The following RBFOX1 variants were observed in gnomAD, a reference collection of about 807,000 sequenced individuals.
RBFOX1 encodes RNA binding protein fox-1 homolog 1.
RBFOX1 carries 8 observed loss-of-function variants against 57.7 expected under a neutral mutation model. The ratio of observed to expected loss-of-function variants is 0.14; its 90% confidence interval spans 0.08 to 0.25. RBFOX1 has a LOEUF of 0.25. Ranked by LOEUF, RBFOX1 falls within the 10% of genes least tolerant of loss-of-function variation. The pLI, the probability that RBFOX1 is intolerant of heterozygous loss-of-function variation, is 1.00. For missense variants in RBFOX1, 611 were observed against 548.5 expected (o/e 1.11, Z -1.14); for synonymous variants, 326 against 222.4 (o/e 1.47, Z -4.15).
At chr16:5,777,386 C>G (rs1325007613) in intron 3 of RBFOX1, among the ~76,000 whole-genome samples, 2 of 152,202 alleles carry the variant, frequency 1.3e-5, no homozygotes, top group East Asian at 3.9e-4. Context: ...TACCTCATCT[C>G]AAGTACCTTA....
intron 2 of RBFOX1, among the ~76,000 whole-genome samples, chr16:5,482,695 G>T (rs1266539839): frequency 6.6e-6 from 1 of 152,192 alleles, no homozygotes; most frequent in African/African-American, 2.4e-5. Flanking sequence ...ATGGGGGTGT[G>T]TGTGATCTGT....
At chr16:6,861,491 C>T (rs112441296) in intron 3 of RBFOX1, among the ~76,000 whole-genome samples, 4 of 151,326 alleles carry the variant, frequency 2.6e-5, no homozygotes, top group Non-Finnish European at 4.4e-5. Context: ...ACCCCCTCCC[C>T]CCCCGACTCA....
intron 3 of RBFOX1, among the ~76,000 whole-genome samples, chr16:5,866,556 C>G (rs2057347315): frequency 6.6e-6 from 1 of 152,192 alleles, no homozygotes; most frequent in African/African-American, 2.4e-5. Flanking sequence ...GAGACCCTTT[C>G]TAGGCATAGA....
chr16:6,376,824 G>A (rs2091236710), intron 2 of RBFOX1, among the ~76,000 whole-genome samples: 1 of 152,118 alleles, frequency 6.6e-6, no homozygotes. Flanking sequence ...AGGACCCAGG[G>A]AAGAATTCTT....
intron 4 of RBFOX1, among the ~76,000 whole-genome samples, chr16:7,350,308 C>A (rs1405270005): frequency 6.6e-6 from 1 of 151,980 alleles, no homozygotes; most frequent in Non-Finnish European, 1.5e-5. Context: ...AAGCAAAAGT[C>A]CTGAGATGGA....
intron 3 of RBFOX1, among the ~76,000 whole-genome samples, chr16:6,918,933 G>T (rs1055299649): frequency 3.3e-5 from 5 of 152,090 alleles, no homozygotes; most frequent in Non-Finnish European, 5.9e-5. Flanking sequence ...GTTACGCAGG[G>T]TCCTATTTCA....
intron 14 of RBFOX1, among the ~76,000 whole-genome samples, chr16:7,687,537 A>G (rs754938492): frequency 2.0e-5 from 3 of 152,058 alleles, no homozygotes; most frequent in Non-Finnish European, 4.4e-5. Context: ...GAATTTTAAT[A>G]GGTACATCCT....
intron 4 of RBFOX1, among the ~76,000 whole-genome samples, chr16:7,192,548 C>A (rs757725932): frequency 6.6e-6 from 1 of 152,118 alleles, no homozygotes; most frequent in African/African-American, 2.4e-5. Context: ...AGACCAAAGA[C>A]AAATAACAGC....
At chr16:7,508,274 G>A (rs1233821933) in intron 4 of RBFOX1, among the ~76,000 whole-genome samples, 1 of 152,122 alleles carries the variant, frequency 6.6e-6, no homozygotes, top group East Asian at 1.9e-4. Context: ...CACCGCGCCC[G>A]GCCAGTTGTT....
chr16:5,670,482 T>C (rs1467753144), intron 3 of RBFOX1, among the ~76,000 whole-genome samples: 1 of 152,198 alleles, frequency 6.6e-6, no homozygotes, highest in Non-Finnish European at 1.5e-5. Context: ...TAGGCTGAGC[T>C]ATGGAAGATA....
chr16:6,236,392 GA>G (rs548816830), intron 1 of RBFOX1, among the ~76,000 whole-genome samples: 80 of 151,920 alleles, frequency 5.3e-4, no homozygotes, highest in African/African-American at 1.8e-3. Flanking sequence ...CAGAGTACCT[GA>G]AATACAGGAA....
chr16:7,091,226 T>A (rs1410002967), intron 4 of RBFOX1, among the ~76,000 whole-genome samples: 1 of 152,170 alleles, frequency 6.6e-6, no homozygotes, highest in Middle Eastern at 3.2e-3. Flanking sequence ...TCCTCTGTTT[T>A]TACTTTAAGT....
At chr16:5,590,122 G>A (rs916787764) in intron 2 of RBFOX1, among the ~76,000 whole-genome samples, 1 of 152,092 alleles carries the variant, frequency 6.6e-6, no homozygotes. Flanking sequence ...CCTTGAAATT[G>A]ATTTCTTTAT....
At chr16:6,267,655 A>C (rs1221848099) in intron 1 of RBFOX1, among the ~76,000 whole-genome samples, 2 of 151,708 alleles carry the variant, frequency 1.3e-5, no homozygotes, top group East Asian at 3.9e-4. Context: ...TCAGTGTTGC[A>C]GATACTAGGA....
chr16:5,590,263 C>G (rs1372005436), intron 2 of RBFOX1, among the ~76,000 whole-genome samples: 4 of 152,032 alleles, frequency 2.6e-5, no homozygotes, highest in Non-Finnish European at 4.4e-5. Flanking sequence ...GGAAAAAAAA[C>G]CGAGCTCACT....
intron 5 of RBFOX1, among the ~76,000 whole-genome samples, chr16:7,539,823 T>C (rs974077490): frequency 3.9e-5 from 6 of 152,148 alleles, no homozygotes; most frequent in Non-Finnish European, 7.4e-5. Context: ...ATCAGAATGG[T>C]AAGAATATAG....
chr16:6,912,038 C>G (rs920393683), intron 3 of RBFOX1, among the ~76,000 whole-genome samples: 1 of 152,116 alleles, frequency 6.6e-6, no homozygotes, highest in Non-Finnish European at 1.5e-5. Context: ...TTTTTGTGGA[C>G]CATTTCTTTG....
At chr16:6,192,934 G>A (rs990704437) in intron 1 of RBFOX1, among the ~76,000 whole-genome samples, 7 of 152,172 alleles carry the variant, frequency 4.6e-5, no homozygotes, top group Middle Eastern at 3.4e-3. Flanking sequence ...ATATTATGTC[G>A]AAATTCAATT....
intron 14 of RBFOX1, among the ~76,000 whole-genome samples, chr16:7,690,582 G>A (rs1444855331): frequency 1.3e-5 from 2 of 152,136 alleles, no homozygotes; most frequent in East Asian, 1.9e-4. Context: ...ACTAGGGTTT[G>A]CATAAGGAGA....
Sources: allele counts gnomAD v4.1 joint callset (sites outside exome capture counted in the v4.1 genomes callset), GRCh38; gene constraint gnomAD v4.1.1; transcripts MANE v1.5; gene names NCBI Gene and HGNC (gene_info 2026-07-23, HGNC 2026-07-21).